TCF7: variants seen among roughly 807,000 people sequenced by gnomAD.
The protein encoded by TCF7 is transcription factor 7.
A neutral mutation model predicts 46.8 loss-of-function variants in TCF7; 19 were observed. The ratio of observed to expected loss-of-function variants is 0.41; its 90% CI spans 0.28 to 0.60. The LOEUF is 0.60. Ranked by LOEUF, TCF7 falls within the 20% of genes least tolerant of loss-of-function variation. The probability of loss-of-function intolerance (pLI) is 0.35; values close to 1 mark genes in which losing one functional copy is unlikely to be tolerated. For synonymous variants in TCF7, 245 were observed against 213.4 expected (o/e 1.15, Z -1.29); for missense variants, 547 against 504.6 (o/e 1.08, Z -0.81).
chr5:134,115,435 G>A, intron 2 of TCF7, 48 bp downstream of exon 2: 1 of 1,557,010 alleles, frequency 6.4e-7, no homozygotes, highest in Non-Finnish European at 8.7e-7. Flanking sequence ...TCAGGCCCTG[G>A]CCTCGGTGGG....
At chr5:134,143,145 T>A (rs775016538) in intron 8 of TCF7, 45 bp downstream of exon 8, 1 of 1,536,722 alleles carries the variant, frequency 6.5e-7, no homozygotes, top group South Asian at 1.2e-5. Context: ...GGGGACCCTT[T>A]GAGATACCAT....
At chr5:134,118,427 T>A (rs940678419) in intron 3 of TCF7, among the ~76,000 whole-genome samples, 1 of 152,188 alleles carries the variant, frequency 6.6e-6, no homozygotes, top group Non-Finnish European at 1.5e-5. Flanking sequence ...GGCCAGTCAT[T>A]GCACCTCCCT....
At chr5:134,123,559 C>A in intron 3 of TCF7, 1 of 400,852 alleles carries the variant, frequency 2.5e-6, no homozygotes, top group South Asian at 1.8e-5. Context: ...TGGGTGGGGG[C>A]CCCACTGGAA....
At chr5:134,145,368 C>T (rs1760542749) in intron 9 of TCF7, 2 of 548,796 alleles carry the variant, frequency 3.6e-6, no homozygotes, top group Non-Finnish European at 7.1e-6. Flanking sequence ...TATCTTGTAC[C>T]TACTGATACC....
At chr5:134,125,762 G>A (rs1055158021) in intron 3 of TCF7, among the ~76,000 whole-genome samples, 3 of 152,244 alleles carry the variant, frequency 2.0e-5, no homozygotes, top group Non-Finnish European at 2.9e-5. Flanking sequence ...CTGGACGAGA[G>A]TCACTGCCAA....
chr5:134,130,331 G>A (rs957703274), intron 3 of TCF7, among the ~76,000 whole-genome samples: 21 of 152,322 alleles, frequency 1.4e-4, no homozygotes, highest in East Asian at 7.7e-4. Flanking sequence ...GGCACAAAGC[G>A]CCATTGATGC....
intron 3 of TCF7, among the ~76,000 whole-genome samples, chr5:134,131,860 C>A (rs1195266211): frequency 2.0e-5 from 3 of 152,262 alleles, no homozygotes; most frequent in African/African-American, 7.2e-5. Context: ...AGGGAAGGCA[C>A]CTGGGCCGGA....
rs751550749 is a variant in TCF7 at position 134,115,986 on chromosome 5, C to A, written c.394C>A (p.Pro132Thr). ...CGCCTTCAATCTGCTCATGCATTAC[C>A]CACCCCCCTCGGGAGCAGGGCAGCA... ...YSAFNLLMHY[P>T]PPSGAGQHPQ... The change falls in exon 3 of 10, where the codon CCA (proline) becomes ACA (threonine). Residue 132 changes from proline (P) to threonine (T), a missense_variant. By Grantham distance (38) the Pro-to-Thr change is conservative. This residue lies in a region of TCF7 where 425 missense variants were observed against 349.9 expected (regional missense o/e 1.21). Coordinates refer to ENST00000342854, the MANE Select transcript of TCF7 (RefSeq NM_003202.5). 2 of 1,613,872 alleles carry A rather than the reference C, an allele frequency of 1.2e-6. No homozygotes were observed. Among genetic ancestry groups the A allele is most frequent in the Non-Finnish European group, 1.7e-6 (2 of 1,179,994 alleles).
rs1760493442 is a variant in TCF7 at position 134,145,106 on chromosome 5, G to A, written c.1076-1118G>A. ...AGAAAGACACAGAATGTTCCAGAAAGGAAGGACAGACTCAAGAAGGCAGCT... is the reference window on the plus strand; with the variant it reads ...AGAAAGACACAGAATGTTCCAGAAAAGAAGGACAGACTCAAGAAGGCAGCT... On this transcript the variant is annotated intron_variant, in intron 9 of 9. Coordinates refer to ENST00000342854, the MANE Select transcript of TCF7 (RefSeq NM_003202.5). The A allele has an allele frequency of 3.1e-6, 2 of 644,102 alleles. 1 individual carries two copies. Among genetic ancestry groups the A allele is most frequent in the East Asian group, 5.8e-5 (2 of 34,560 alleles). The allele number at this position is 644,102 out of a possible 1,614,324, so 39.9% of individuals were successfully genotyped here.
chr5:134,143,277 A>G lies in TCF7; in HGVS notation c.1026+177A>G, dbSNP rs540495136. 153 of 757,710 alleles carry G rather than the reference A, an allele frequency of 2.0e-4. 2 individuals carry two copies. Among genetic ancestry groups the G allele is most frequent in the South Asian group, 1.5e-3 (99 of 66,370 alleles). The allele number at this position is 757,710 out of a possible 1,614,324, so 46.9% of individuals were successfully genotyped here. A position where few individuals can be genotyped will look rare whatever the true frequency, so the allele number is the denominator to read the frequency against. ...TCAGAAGAGGACAAGCCCACATCCT[A>G]TTCTCCACTCCAGAATATGCTCACA... On this transcript the variant is annotated intron_variant, in intron 8 of 9. Coordinates refer to ENST00000342854, the MANE Select transcript of TCF7 (RefSeq NM_003202.5).
Position 134,143,653 on chromosome 5 carries a change from C to G in TCF7, c.1075+13C>G. ...GAATCCACCACAGGTGAGACCTTCT[C>G]TCAGCAGCAGTGGAGGCTCCTCTCC... is the stretch of plus-strand genomic sequence containing the variant. On this transcript the variant is annotated intron_variant, in intron 9 of 9. Transcript: ENST00000342854. 1 of 1,613,836 alleles carries G rather than the reference C, an allele frequency of 6.2e-7. No homozygotes were observed.
At chr5:134,108,903 C>T in the TCF7 span, among the ~76,000 whole-genome samples, 1 of 152,182 alleles carries the variant, frequency 6.6e-6, no homozygotes, top group African/African-American at 2.4e-5. Flanking sequence ...TCTTTAATCC[C>T]TCTTCTCTCC....
At chr5:134,124,664 A>ACC (rs150216595) in intron 3 of TCF7, among the ~76,000 whole-genome samples, 2,062 of 150,994 alleles carry the variant, frequency 0.014, 28 homozygotes, top group African/African-American at 0.038. Context: ...CTTCCTCCTA[A>ACC]CCCCCCCGCC....
rs756616925 is a variant in TCF7, at chr5:134,138,080, C to G, written c.463C>G (p.His155Asp). The part of the protein sequence containing the change: ...PPLHKANQPP[H>D]GVPQLSLYEH... ...TCAGCACAAGGCCAATCAGCCCCCCCACGGTGTCCCCCAACTCTCTCTCTA... is the reference window on the plus strand; with the variant it reads ...TCAGCACAAGGCCAATCAGCCCCCCGACGGTGTCCCCCAACTCTCTCTCTA... Residue 155 changes from histidine (H) to aspartate (D), a missense_variant, in exon 4 of 10, where the codon CAC (histidine) becomes GAC (aspartate). By Grantham distance (81) the His-to-Asp change is moderately conservative. Transcript: ENST00000342854. The G allele has an allele frequency of 1.2e-5, 20 of 1,607,032 alleles. No homozygotes were observed. The highest frequency in any genetic ancestry group is 1.6e-4 in the Middle Eastern group (1 of 6,064).
At chr5:134,120,758 C>T (rs992898606) in intron 3 of TCF7, among the ~76,000 whole-genome samples, 1 of 152,264 alleles carries the variant, frequency 6.6e-6, no homozygotes, top group Non-Finnish European at 1.5e-5. Context: ...ACTCTTCGGG[C>T]TCAAACGGTT....
intron 3 of TCF7, among the ~76,000 whole-genome samples, chr5:134,124,350 A>G (rs985171715): frequency 6.6e-6 from 1 of 152,202 alleles, no homozygotes; most frequent in East Asian, 1.9e-4. Flanking sequence ...AGCTGTCTAC[A>G]GCCTGGGTGG....
intron 3 of TCF7, among the ~76,000 whole-genome samples, chr5:134,123,001 T>C (rs1304425411): frequency 6.6e-6 from 1 of 152,238 alleles, no homozygotes; most frequent in African/African-American, 2.4e-5. Flanking sequence ...GGTGAGTTAC[T>C]TAGCCCTCTG....
chr5:134,120,752 T>C (rs1310699007), intron 3 of TCF7, among the ~76,000 whole-genome samples: 1 of 152,246 alleles, frequency 6.6e-6, no homozygotes, highest in East Asian at 1.9e-4. Flanking sequence ...CTGGCAACTC[T>C]TCGGGCTCAA....
chr5:134,140,828 C>G (rs1180209437), intron 5 of TCF7: 5 of 455,632 alleles, frequency 1.1e-5, no homozygotes, highest in Non-Finnish European at 1.8e-5. Flanking sequence ...CTGTCCCCTT[C>G]CTGCGGATAT....
Sources: gnomAD v4.1 joint callset for allele counts (sites outside exome capture counted in the v4.1 genomes callset) on GRCh38, gnomAD v4.1.1 for gene constraint, gnomAD v4.1.1 regional missense constraint, MANE v1.5 for transcripts, NCBI Gene and HGNC (gene_info 2026-07-23, HGNC 2026-07-21) for gene names.